The following MORF4L1 variants were observed in gnomAD, a reference collection of about 807,000 sequenced individuals.
MORF4L1 encodes the protein mortality factor 4-like protein 1.
In MORF4L1, 4 loss-of-function variants were observed where a neutral mutation model predicts 52.9. That is an observed-to-expected ratio of 0.08 (90% CI 0.04 to 0.17). The LOEUF (loss-of-function observed/expected upper bound fraction) is 0.17. Among genes scored for constraint, MORF4L1 ranks in the 10% least tolerant of loss-of-function variants. The pLI is 1.00. For synonymous variants in MORF4L1, 123 were observed against 134.8 expected, an observed-to-expected ratio of 0.91 and a Z score of 0.61; for missense variants, 214 against 390.4, an observed-to-expected ratio of 0.55 and a Z score of 3.81.
At chr15:78,887,413 G>A in intron 5 of MORF4L1, 64 bp downstream of exon 5, 2 of 1,361,858 alleles carry the variant, frequency 1.5e-6, no homozygotes, top group Non-Finnish European at 2.0e-6. Context: ...TGTTCATTGT[G>A]TGTTAGACTG....
chr15:78,878,344 G>A, intron 2 of MORF4L1, 85 bp downstream of exon 2: 1 of 1,248,546 alleles, frequency 8.0e-7, no homozygotes, highest in Non-Finnish European at 1.1e-6. Flanking sequence ...GTATTTTGTT[G>A]TTGCCTCAGT....
chr15:78,894,257 A>T, intron 10 of MORF4L1, 27 bp downstream of exon 10: 1 of 1,559,158 alleles, frequency 6.4e-7, no homozygotes, highest in Non-Finnish European at 8.7e-7. Context: ...AAAATAATGG[A>T]TTTTACTTTT....
intron 3 of MORF4L1, among the ~76,000 whole-genome samples, chr15:78,883,494 ATTG>A (rs2056640168): frequency 6.6e-6 from 1 of 152,160 alleles, no homozygotes; most frequent in Non-Finnish European, 1.5e-5. Context: ...TTCAGATTTT[ATTG>A]TTTCGAAAAA....
At chr15:78,876,286 C>T (rs1349191778) in intron 1 of MORF4L1, among the ~76,000 whole-genome samples, 3 of 151,536 alleles carry the variant, frequency 2.0e-5, no homozygotes, top group Non-Finnish European at 4.4e-5. Context: ...AAAAAAACAA[C>T]TCGTAAACTT....
chr15:78,886,319 C>T, intron 4 of MORF4L1, 92 bp downstream of exon 4: 2 of 1,131,852 alleles, frequency 1.8e-6, no homozygotes, highest in Non-Finnish European at 2.7e-6. Context: ...GTTGGCTGCC[C>T]TGCCTATAAA....
intron 7 of MORF4L1, among the ~76,000 whole-genome samples, chr15:78,891,970 T>G (rs1365245273): frequency 6.6e-6 from 1 of 152,226 alleles, no homozygotes; most frequent in African/African-American, 2.4e-5. Context: ...GGAACCTTAC[T>G]GAAGAATTTT....
At chr15:78,887,407 C>A (rs1317507256) in intron 5 of MORF4L1, 58 bp downstream of exon 5, 3 of 1,458,168 alleles carry the variant, frequency 2.1e-6, no homozygotes, top group Admixed American at 2.0e-5. Context: ...ATTTTATGTT[C>A]ATTGTGTGTT....
chr15:78,887,120 T>C, intron 4 of MORF4L1, 149 bp from the exon 5 acceptor site: 4 of 651,430 alleles, frequency 6.1e-6, no homozygotes, highest in Admixed American at 3.0e-5. Context: ...TTGAGTGTTT[T>C]GTTTGATTTT....
intron 1 of MORF4L1, among the ~76,000 whole-genome samples, chr15:78,875,887 G>A (rs1351334684): frequency 1.3e-5 from 2 of 152,154 alleles, no homozygotes; most frequent in Non-Finnish European, 2.9e-5. Flanking sequence ...ACACTGTAGA[G>A]TTTATGTAAT....
intron 3 of MORF4L1, chr15:78,885,146 C>T (rs2056677652): frequency 3.8e-6 from 5 of 1,308,350 alleles, no homozygotes; most frequent in South Asian, 3.8e-5. Flanking sequence ...TTATTATTTT[C>T]CTCTTGGCTG....
intron 10 of MORF4L1, 147 bp from the exon 11 acceptor site, chr15:78,894,673 G>T: frequency 1.5e-6 from 1 of 645,448 alleles, no homozygotes; most frequent in Non-Finnish European, 2.7e-6. Flanking sequence ...CTCCCAAAGT[G>T]CTGGGATTAC....
rs549815388 is a variant in MORF4L1, at chr15:78,891,460, A to AC, written c.350-20dup. The AC allele has an allele frequency of 5.3e-5, 84 of 1,583,682 alleles. No homozygotes were observed. In the African/African-American group the frequency reaches 1.0e-3, roughly 20 times the overall value. On this transcript the variant is annotated intron_variant, in intron 6 of 11. Coordinates refer to ENST00000426013, the MANE Select transcript of MORF4L1 (RefSeq NM_006791.4). ...GAGTTTGTTAAATTAGCTAAATGAG[A>AC]CCCCTCCCCGCCAACATTTACAGCA...
rs983810416 is a variant in MORF4L1 at position 78,890,936 on chromosome 15, CAG to C, written c.324-50_324-49del. On this transcript the variant is annotated intron_variant, in intron 5 of 11. Transcript: ENST00000426013. ...TTAACCCTGATAAAGGGAGTTGAAA[CAG>C]AGGCAGTTTTACTGGAAATAATTAT... The C allele has an allele frequency of 7.7e-5, 106 of 1,368,324 alleles. No individual in the cohort carries two copies. In the Middle Eastern group the frequency reaches 1.1e-3, roughly 14 times the overall value. The allele number at this position is 1,368,324 out of a possible 1,614,324, so 84.8% of individuals were successfully genotyped here. A position where few individuals can be genotyped will look rare whatever the true frequency, so the allele number is the denominator to read the frequency against.
intron 1 of MORF4L1, chr15:78,877,712 T>G (rs1302825584): frequency 6.6e-6 from 1 of 152,352 alleles, no homozygotes; most frequent in Non-Finnish European, 1.5e-5. Context: ...ATTCCACATT[T>G]GAAGAATGAA....
rs577948207 is a variant in MORF4L1, at chr15:78,888,521, T to C, written c.323+1172T>C. On this transcript the variant is annotated intron_variant, in intron 5 of 11. Coordinates refer to ENST00000426013, the MANE Select transcript of MORF4L1 (RefSeq NM_006791.4). The stretch of plus-strand genomic sequence containing the variant: ...TAACTTAATAAGTATTCTTAAGTAT[T>C]TGTAATAATAAAAACAAAAATTATA... 1.2e-4 allele frequency among the ~76,000 whole-genome samples: 18 copies of C among 152,318 alleles called. 1 individual carries two copies. The East Asian group carries it at 3.5e-3, about 29-fold the overall frequency.
At chr15:78,887,852 C>T (rs755621852) in intron 5 of MORF4L1, among the ~76,000 whole-genome samples, 9 of 152,272 alleles carry the variant, frequency 5.9e-5, no homozygotes, top group Middle Eastern at 6.8e-3. Flanking sequence ...GATCTGTGCT[C>T]ACTGCAACCT....
At position 78,880,478 on chromosome 15, in the gene MORF4L1, C is replaced by T. The variant is rs201155654; in HGVS notation, c.88-34C>T. 6.6e-6 allele frequency: 10 copies of T among 1,514,226 alleles called. No individual in the cohort carries two copies. The Admixed American group carries it at 1.3e-4, about 19-fold the overall frequency. The allele number at this position is 1,514,226 out of a possible 1,614,324, so 93.8% of individuals were successfully genotyped here. Reference sequence around the variant, plus strand: ...AAAAGGTAGTGTCTTTAAAAAATTTCTAAGTGAATTATTATTTTTTTTTTG... The same window carrying T: ...AAAAGGTAGTGTCTTTAAAAAATTTTTAAGTGAATTATTATTTTTTTTTTG... On this transcript the variant is annotated intron_variant, in intron 2 of 11. Transcript: ENST00000426013.
chr15:78,884,833 C>G, intron 3 of MORF4L1: 2 of 500,352 alleles, frequency 4.0e-6, no homozygotes, highest in South Asian at 6.1e-5. Context: ...ATGGAGATTT[C>G]TAAATTTTCA....
chr15:78,891,175 C>T, intron 6 of MORF4L1, 161 bp downstream of exon 6: 2 of 893,896 alleles, frequency 2.2e-6, no homozygotes, highest in South Asian at 3.1e-5. Flanking sequence ...GTGGTAGAGA[C>T]CTCTTTTTGC....
Sources: allele counts gnomAD v4.1 joint callset (sites outside exome capture counted in the v4.1 genomes callset), GRCh38; gene constraint gnomAD v4.1.1; transcripts MANE v1.5; gene names NCBI Gene and HGNC (gene_info 2026-07-23, HGNC 2026-07-21).